The following PTPRM variants were observed in gnomAD, a reference collection of about 807,000 sequenced individuals.
PTPRM encodes protein tyrosine phosphatase receptor type M.
A neutral mutation model predicts 186.7 loss-of-function variants in PTPRM; 47 were observed. That is an observed-to-expected ratio of 0.25 (90% CI 0.20 to 0.32). The LOEUF (loss-of-function observed/expected upper bound fraction) is 0.32, where lower values mean the gene tolerates loss of function less well. Ranked by LOEUF, PTPRM falls within the 10% of genes least tolerant of loss-of-function variation. PTPRM has a pLI of 1.00. For missense variants in PTPRM, 1,494 were observed against 1,865.0 expected, an observed-to-expected ratio of 0.80 and a Z score of 3.66; for synonymous variants, 668 against 674.9, an observed-to-expected ratio of 0.99 and a Z score of 0.16.
chr18:8,286,753 T>C (rs896531680), intron 19 of PTPRM, among the ~76,000 whole-genome samples: 9 of 152,298 alleles, frequency 5.9e-5, no homozygotes, highest in African/African-American at 1.9e-4. Flanking sequence ...TGCTAAACTG[T>C]TTTAAAAGAT....
At chr18:7,908,780 C>T (rs879369925) in intron 4 of PTPRM, among the ~76,000 whole-genome samples, 2 of 152,196 alleles carry the variant, frequency 1.3e-5, no homozygotes, top group Non-Finnish European at 2.9e-5. Flanking sequence ...CTAATTGAAA[C>T]AGCAGGGTAA....
chr18:8,061,827 G>A (rs1165826365), intron 7 of PTPRM, among the ~76,000 whole-genome samples: 2 of 93,362 alleles, frequency 2.1e-5, no homozygotes, highest in African/African-American at 4.5e-5. Flanking sequence ...CGAGAGATCC[G>A]CTGTTAGTCT....
chr18:8,319,237 GTCTT>G (rs755541597), intron 22 of PTPRM, 23 bp downstream of exon 22: 9 of 1,532,648 alleles, frequency 5.9e-6, no homozygotes, highest in South Asian at 1.2e-5. Context: ...CTACTTTGTT[GTCTT>G]TCTTTGTTTC....
At chr18:7,862,347 A>G (rs938680989) in intron 2 of PTPRM, among the ~76,000 whole-genome samples, 30 of 152,282 alleles carry the variant, frequency 2.0e-4, no homozygotes, top group South Asian at 4.1e-4. Context: ...AGTGATGACA[A>G]CGTCACAAAT....
intron 32 of PTPRM, among the ~76,000 whole-genome samples, chr18:8,396,007 T>A (rs1245399161): frequency 6.6e-6 from 1 of 152,098 alleles, no homozygotes; most frequent in African/African-American, 2.4e-5. Context: ...CTGCCAGGCG[T>A]GATGCCATCA....
chr18:7,675,543 C>G (rs764056703), intron 1 of PTPRM, among the ~76,000 whole-genome samples: 1 of 152,204 alleles, frequency 6.6e-6, no homozygotes, highest in East Asian at 1.9e-4. Context: ...TCACTAATGT[C>G]AGGACAGAAT....
chr18:7,739,087 C>T (rs925056826), intron 1 of PTPRM, among the ~76,000 whole-genome samples: 1 of 152,046 alleles, frequency 6.6e-6, no homozygotes, highest in East Asian at 1.9e-4. Flanking sequence ...ACAATCTGAT[C>T]GAGAAGTGGT....
At chr18:8,008,123 C>G (rs990885548) in intron 7 of PTPRM, among the ~76,000 whole-genome samples, 1 of 152,116 alleles carries the variant, frequency 6.6e-6, no homozygotes, top group African/African-American at 2.4e-5. Flanking sequence ...AATGGAAAAT[C>G]GACTGAAGTG....
chr18:8,326,981 G>C (rs1430128745), intron 22 of PTPRM, among the ~76,000 whole-genome samples: 2 of 152,150 alleles, frequency 1.3e-5, no homozygotes. Context: ...CTCAGACAAA[G>C]CAGAGTAGGT....
intron 7 of PTPRM, among the ~76,000 whole-genome samples, chr18:8,026,820 G>A (rs979873738): frequency 6.6e-6 from 1 of 151,748 alleles, no homozygotes; most frequent in African/African-American, 2.4e-5. Context: ...ATTGTGCCAC[G>A]GCACTCCAGC....
chr18:8,384,099 C>T (rs2095756275), intron 29 of PTPRM, among the ~76,000 whole-genome samples: 1 of 152,164 alleles, frequency 6.6e-6, no homozygotes, highest in African/African-American at 2.4e-5. Flanking sequence ...GTCCAAAAGC[C>T]TACATTGCTG....
chr18:7,842,836 A>ATG (rs2046391786), intron 2 of PTPRM, among the ~76,000 whole-genome samples: 1 of 78,034 alleles, frequency 1.3e-5, no homozygotes, highest in East Asian at 9.5e-4. Flanking sequence ...ATGTATATAT[A>ATG]TATATAGAGA....
At chr18:8,105,368 T>A (rs1364543334) in intron 11 of PTPRM, among the ~76,000 whole-genome samples, 1 of 152,228 alleles carries the variant, frequency 6.6e-6, no homozygotes, top group African/African-American at 2.4e-5. Context: ...TTATTAATGT[T>A]GCTTCTAGGA....
chr18:7,825,206 A>G (rs1405242670), intron 2 of PTPRM, among the ~76,000 whole-genome samples: 1 of 152,172 alleles, frequency 6.6e-6, no homozygotes, highest in East Asian at 1.9e-4. Flanking sequence ...GGAAATTGCT[A>G]AGGCCCTGGT....
intron 6 of PTPRM, among the ~76,000 whole-genome samples, chr18:7,951,202 G>C (rs1474623976): frequency 6.6e-6 from 1 of 152,122 alleles, no homozygotes; most frequent in African/African-American, 2.4e-5. Flanking sequence ...AAAGTGCTCT[G>C]GCAAGTGAGA....
intron 3 of PTPRM, among the ~76,000 whole-genome samples, chr18:7,889,770 T>C (rs902304295): frequency 5.9e-5 from 9 of 151,974 alleles, no homozygotes; most frequent in Admixed American, 2.0e-4. Flanking sequence ...GACGAGCCAG[T>C]GAGGGGCAGG....
At chr18:8,289,601 T>TATACATATATATATACACATATATATAC (rs1568675637) in intron 19 of PTPRM, among the ~76,000 whole-genome samples, 8 of 97,496 alleles carry the variant, frequency 8.2e-5, no homozygotes, top group Non-Finnish European at 1.5e-4. Flanking sequence ...CATATATATA[T>TATACATATATATATACACATATATATAC]ACACACATAT....
chr18:7,824,427 C>CTATG (rs528994680), intron 2 of PTPRM, among the ~76,000 whole-genome samples: 5 of 150,244 alleles, frequency 3.3e-5, no homozygotes, highest in Admixed American at 2.6e-4. Flanking sequence ...TTGGATTTTC[C>CTATG]TGTGTGTGTG....
At position 8,346,106 on chromosome 18, in the gene PTPRM, A is replaced by G. The variant is rs80337188; in HGVS notation, c.3054+2586A>G. Among the ~76,000 whole-genome samples, 105 of 152,344 alleles carry G rather than the reference A, an allele frequency of 6.9e-4. No homozygotes were observed. In the East Asian group the frequency reaches 0.019, roughly 27 times the overall value. On this transcript the variant is annotated intron_variant, in intron 23 of 32. Coordinates refer to ENST00000580170, the MANE Select transcript of PTPRM (RefSeq NM_001105244.2). Reference sequence around the variant, plus strand: ...CTGCCGGGAGCCAGCATGGGAGTGCAGGTGAGCTGGTGAGGAGGCTACTGA... The same window carrying G: ...CTGCCGGGAGCCAGCATGGGAGTGCGGGTGAGCTGGTGAGGAGGCTACTGA...
Sources: gnomAD v4.1 joint callset for allele counts (sites outside exome capture counted in the v4.1 genomes callset) on GRCh38, gnomAD v4.1.1 for gene constraint, MANE v1.5 for transcripts, NCBI Gene and HGNC (gene_info 2026-07-23, HGNC 2026-07-21) for gene names.